Variants in LARP4 observed in about 807,000 individuals in gnomAD.
LARP4 encodes La ribonucleoprotein 4.
In LARP4, 29 loss-of-function variants were observed where a neutral mutation model predicts 92.9. The observed-to-expected ratio is 0.31, with a 90% confidence interval of 0.23 to 0.43. LARP4 has a LOEUF of 0.43. Among genes scored for constraint, LARP4 ranks in the 20% least tolerant of loss-of-function variants. The probability of loss-of-function intolerance (pLI) is 1.00; values close to 1 mark genes in which losing one functional copy is unlikely to be tolerated. For synonymous variants in LARP4, 279 were observed against 284.1 expected (o/e 0.98, Z 0.18); for missense variants, 732 against 860.0 (o/e 0.85, Z 1.86).
intron 1 of LARP4, among the ~76,000 whole-genome samples, chr12:50,408,804 A>G (rs1489031954): frequency 6.6e-6 from 1 of 152,154 alleles, no homozygotes; most frequent in Non-Finnish European, 1.5e-5. Flanking sequence ...TATACTAACA[A>G]AGTAACATAA....
chr12:50,437,910 G>A (rs1950669342), intron 6 of LARP4, 72 bp downstream of exon 6: 5 of 970,662 alleles, frequency 5.2e-6, no homozygotes, highest in African/African-American at 1.7e-5. Context: ...TGCCTTTCGT[G>A]GCAAAGAAGA....
At chr12:50,422,995 T>C (rs1376024958) in intron 1 of LARP4, among the ~76,000 whole-genome samples, 1 of 151,724 alleles carries the variant, frequency 6.6e-6, no homozygotes, top group African/African-American at 2.4e-5. Flanking sequence ...TTTTTTTGTA[T>C]GTTTAGTAGC....
At chr12:50,411,272 G>C (rs892936017) in intron 1 of LARP4, among the ~76,000 whole-genome samples, 3 of 150,774 alleles carry the variant, frequency 2.0e-5, no homozygotes, top group African/African-American at 7.3e-5. Flanking sequence ...TGCAACCTCT[G>C]CCTCCCTGGT....
chr12:50,433,412 C>T (rs939485330), intron 4 of LARP4, among the ~76,000 whole-genome samples: 1 of 151,626 alleles, frequency 6.6e-6, no homozygotes, highest in Non-Finnish European at 1.5e-5. Context: ...TGTAGCTCAG[C>T]AAAATTGCCA....
intron 1 of LARP4, among the ~76,000 whole-genome samples, chr12:50,423,046 C>T (rs1037819152): frequency 7.9e-5 from 12 of 151,906 alleles, no homozygotes; most frequent in African/African-American, 2.7e-4. Flanking sequence ...TCTTGAACTC[C>T]TGACCTCAGG....
At chr12:50,432,815 G>A (rs1034769482) in intron 4 of LARP4, among the ~76,000 whole-genome samples, 12 of 139,952 alleles carry the variant, frequency 8.6e-5, no homozygotes, top group African/African-American at 2.9e-4. Flanking sequence ...AGCCGAGATC[G>A]CACCATTGCA....
intron 8 of LARP4, among the ~76,000 whole-genome samples, chr12:50,446,443 T>A (rs1196248735): frequency 2.9e-5 from 3 of 105,176 alleles, no homozygotes; most frequent in African/African-American, 1.2e-4. Flanking sequence ...TTTTTTTTTT[T>A]TATAGACGGA....
chr12:50,473,871 C>G lies in LARP4; in HGVS notation c.1668-128C>G, dbSNP rs184637675. The G allele has an allele frequency of 1.8e-4, 124 of 676,178 alleles. No homozygotes were observed. The African/African-American group carries it at 2.2e-3, about 12-fold the overall frequency. The allele number at this position is 676,178 out of a possible 1,614,324, so 41.9% of individuals were successfully genotyped here. A position where few individuals can be genotyped will look rare whatever the true frequency, so the allele number is the denominator to read the frequency against. Reference sequence around the variant, plus strand: ...GTTGCAGTGAGCCAAGAGCATGCCACTACACTCCAGCCTGGGTGACAGAGT... The same window carrying G: ...GTTGCAGTGAGCCAAGAGCATGCCAGTACACTCCAGCCTGGGTGACAGAGT... On this transcript the variant is annotated intron_variant, in intron 14 of 15. Coordinates refer to ENST00000398473, the MANE Select transcript of LARP4 (RefSeq NM_052879.5).
At chr12:50,437,887 A>G in intron 6 of LARP4, 49 bp downstream of exon 6, 4 of 1,258,816 alleles carry the variant, frequency 3.2e-6, no homozygotes, top group Non-Finnish European at 4.5e-6. Context: ...TTTAAATTAA[A>G]AGAGGTTTCT....
chr12:50,439,913 T>A (rs780700456), intron 6 of LARP4, among the ~76,000 whole-genome samples: 1 of 152,214 alleles, frequency 6.6e-6, no homozygotes, highest in Admixed American at 6.5e-5. Context: ...AGAGAAGATA[T>A]GTTTGCACAT....
intron 4 of LARP4, among the ~76,000 whole-genome samples, chr12:50,433,960 A>G (rs1281848937): frequency 6.6e-6 from 1 of 152,114 alleles, no homozygotes; most frequent in African/African-American, 2.4e-5. Flanking sequence ...TAGAATGTAA[A>G]AGTAAGGGCC....
chr12:50,453,319 A>G (rs1023589531), intron 8 of LARP4, 141 bp from the exon 9 acceptor site: 5 of 539,494 alleles, frequency 9.3e-6, no homozygotes, highest in African/African-American at 1.9e-5. Context: ...TAAAGCTGTC[A>G]TTTTCTTTTC....
At chr12:50,461,475 G>A (rs1005640078) in intron 11 of LARP4, 128 bp downstream of exon 11, 10 of 975,638 alleles carry the variant, frequency 1.0e-5, no homozygotes, top group African/African-American at 6.3e-5. Context: ...AAATAAATAC[G>A]TTATTTTCAG....
chr12:50,413,913 C>CTA (rs1398774327), intron 1 of LARP4, among the ~76,000 whole-genome samples: 6 of 152,140 alleles, frequency 3.9e-5, no homozygotes, highest in Admixed American at 2.0e-4. Flanking sequence ...TATAGATGAA[C>CTA]TACAGTTCAC....
chr12:50,438,049 GTTCTATT>G (rs753885379), intron 6 of LARP4, among the ~76,000 whole-genome samples: 12 of 152,124 alleles, frequency 7.9e-5, no homozygotes, highest in Non-Finnish European at 8.8e-5. Flanking sequence ...AAAAGATATA[GTTCTATT>G]TTCTTAGAAG....
At chr12:50,461,391 C>A in intron 11 of LARP4, 44 bp downstream of exon 11, 1 of 1,510,260 alleles carries the variant, frequency 6.6e-7, no homozygotes, top group South Asian at 1.2e-5. Context: ...ATAATGTGAT[C>A]ATCCTGAATA....
At chr12:50,430,851 A>G (rs1282112538) in intron 4 of LARP4, among the ~76,000 whole-genome samples, 1 of 151,948 alleles carries the variant, frequency 6.6e-6, no homozygotes, top group East Asian at 2.0e-4. Flanking sequence ...TAGTAGAGAC[A>G]GGGTTTCACC....
chr12:50,419,186 T>C (rs562359855), intron 1 of LARP4, among the ~76,000 whole-genome samples: 35 of 151,698 alleles, frequency 2.3e-4, no homozygotes, highest in Non-Finnish European at 4.3e-4. Context: ...CATGGCAAAA[T>C]CCCATCTCTG....
Position 50,441,606 on chromosome 12 carries a change from GAGA to G in LARP4, c.773_775del (p.Glu258del). 1 of 1,598,148 alleles carries G rather than the reference GAGA, an allele frequency of 6.3e-7. No homozygotes were observed. The highest frequency in any genetic ancestry group is 8.5e-7 in the Non-Finnish European group (1 of 1,174,350). On this transcript the variant is annotated inframe_deletion, in exon 8 of 16. Coordinates refer to ENST00000398473, the MANE Select transcript of LARP4 (RefSeq NM_052879.5). ...TGTTAACAGGCTTTTAAATACTTAA[GAGA>G]AGAAGTTAAAACATTTCAGGGCAAG...
Sources: gnomAD v4.1 joint callset for allele counts (sites outside exome capture counted in the v4.1 genomes callset) on GRCh38, gnomAD v4.1.1 for gene constraint, MANE v1.5 for transcripts, NCBI Gene and HGNC (gene_info 2026-07-23, HGNC 2026-07-21) for gene names.